The following TMPRSS5 variants were observed in gnomAD, a reference collection of about 807,000 sequenced individuals.
The protein encoded by TMPRSS5 is transmembrane serine protease 5.
TMPRSS5 carries 45 observed loss-of-function variants against 59.7 expected under a neutral mutation model. The ratio of observed to expected loss-of-function variants is 0.75; its 90% CI spans 0.59 to 0.97. The LOEUF is 0.97. Among genes scored for constraint, TMPRSS5 ranks in the 50% least tolerant of loss-of-function variants. The pLI is 0.00. For missense variants in TMPRSS5, 585 were observed against 596.7 expected, an observed-to-expected ratio of 0.98 and a Z score of 0.20; for synonymous variants, 225 against 232.0, an observed-to-expected ratio of 0.97 and a Z score of 0.27.
intron 1 of TMPRSS5, among the ~76,000 whole-genome samples, chr11:113,704,964 T>G (rs1953250574): frequency 6.6e-6 from 1 of 152,016 alleles, no homozygotes; most frequent in Admixed American, 6.5e-5. Context: ...CCAATACAAA[T>G]GTTAAGTATA....
intron 8 of TMPRSS5, among the ~76,000 whole-genome samples, chr11:113,694,109 A>C (rs1414254613): frequency 6.6e-6 from 1 of 152,096 alleles, no homozygotes; most frequent in African/African-American, 2.4e-5. Context: ...CTCTACTAAA[A>C]ATACAAAAAA....
At chr11:113,697,475 G>C (rs1952963783) in intron 4 of TMPRSS5, 57 bp from the exon 5 acceptor site, 1 of 1,583,358 alleles carries the variant, frequency 6.3e-7, no homozygotes, top group Non-Finnish European at 8.6e-7. Context: ...GGGTGGGACA[G>C]GAAGAGCTGG....
At chr11:113,699,211 G>GTCTC (rs1221479693) in intron 3 of TMPRSS5, among the ~76,000 whole-genome samples, 184 bp from the exon 4 acceptor site, 2 of 62,952 alleles carry the variant, frequency 3.2e-5, no homozygotes, top group African/African-American at 1.1e-4. Flanking sequence ...TTGTCTGTCT[G>GTCTC]TCTCTCTCTC....
Position 113,692,681 on chromosome 11 carries a change from C to T in TMPRSS5, c.964+390G>A, listed in dbSNP as rs554896726. Among the ~76,000 whole-genome samples, 39 of 152,254 alleles carry T rather than the reference C, an allele frequency of 2.6e-4. No homozygotes were observed. The South Asian group carries it at 7.9e-3, about 31-fold the overall frequency. On this transcript the variant is annotated intron_variant, in intron 9 of 12. Transcript: ENST00000299882. ...TTTCAACTATCTATCAGGGTTGTTA[C>T]GAGGACTGAAAGAGAAGATATTTGA...
At chr11:113,691,325 T>C (rs113253911) in intron 9 of TMPRSS5, among the ~76,000 whole-genome samples, 3,522 of 152,308 alleles carry the variant, frequency 0.023, 137 homozygotes, top group African/African-American at 0.079. Context: ...TGCATGATTT[T>C]AGGTAGTACA....
intron 4 of TMPRSS5, 152 bp downstream of exon 4, chr11:113,698,753 A>T (rs1341483867): frequency 6.9e-5 from 60 of 875,034 alleles, no homozygotes; most frequent in Non-Finnish European, 9.5e-5. Flanking sequence ...GATCACTGCA[A>T]GGTGACACCT....
rs58784708 is a variant in TMPRSS5, at chr11:113,691,892, C to CTTTTTTTTTTTTTT, written c.965-954_965-953insAAAAAAAAAAAAAA. On this transcript the variant is annotated intron_variant, in intron 9 of 12. Transcript: ENST00000299882. ...AGAAAGTTTTCTTTTCCTTTTTTTT[C>CTTTTTTTTTTTTTT]TTTTTTTTTTTTTGAGACGGAGTCT... is the stretch of plus-strand genomic sequence containing the variant. 3.2e-4 allele frequency among the ~76,000 whole-genome samples: 39 copies of CTTTTTTTTTTTTTT among 121,108 alleles called. 9 individuals carry two copies. Among genetic ancestry groups the CTTTTTTTTTTTTTT allele is most frequent in the African/African-American group, 9.5e-4 (26 of 27,490 alleles). The allele number at this position is 121,108 out of a possible 152,430, so 79.5% of individuals were successfully genotyped here.
At position 113,699,269 on chromosome 11, in the gene TMPRSS5, CT is replaced by C. The variant is rs1323652570; in HGVS notation, c.206-243del. Among the ~76,000 whole-genome samples, 70 of 101,212 alleles carry C rather than the reference CT, an allele frequency of 6.9e-4. 6 individuals carry two copies. The East Asian group carries it at 7.6e-3, about 11-fold the overall frequency. The allele number at this position is 101,212 out of a possible 152,430, so 66.4% of individuals were successfully genotyped here. On this transcript the variant is annotated intron_variant, in intron 3 of 12. Coordinates refer to ENST00000299882, the MANE Select transcript of TMPRSS5 (RefSeq NM_030770.4). ...TCTCTCTCTCTCTCTCTCTCTCTCT[CT>C]CCCTCTCTCTCTCTCTCTCTCTGTC...
chr11:113,693,046 G>A (rs1952826671), intron 9 of TMPRSS5, 25 bp downstream of exon 9: 15 of 1,542,636 alleles, frequency 9.7e-6, no homozygotes, highest in East Asian at 4.9e-5. Flanking sequence ...TCTCCAGCCT[G>A]CCCACCCTCA....
intron 8 of TMPRSS5, chr11:113,693,778 C>A (rs1952850410): frequency 6.6e-6 from 1 of 152,668 alleles, no homozygotes; most frequent in South Asian, 2.1e-4. Flanking sequence ...CTGTTCTAGA[C>A]CCTGGGGACA....
rs571724438 is a variant in TMPRSS5, at chr11:113,703,302, G to A, written c.3+2920C>T. ...CCCTATTGGATTTCAGACTTGCATGGGGACTGTAACCTCTTTATTTTGACC... is the reference window on the plus strand; with the variant it reads ...CCCTATTGGATTTCAGACTTGCATGAGGACTGTAACCTCTTTATTTTGACC... On this transcript the variant is annotated intron_variant, in intron 1 of 12. Transcript: ENST00000299882. 2.2e-4 allele frequency among the ~76,000 whole-genome samples: 33 copies of A among 149,588 alleles called. No homozygotes were observed. In the South Asian group the frequency reaches 5.2e-3, roughly 23 times the overall value.
At chr11:113,697,474 A>T in intron 4 of TMPRSS5, 56 bp from the exon 5 acceptor site, 2 of 1,588,920 alleles carry the variant, frequency 1.3e-6, no homozygotes, top group South Asian at 2.3e-5. Context: ...AGGGTGGGAC[A>T]GGAAGAGCTG....
At chr11:113,702,838 G>C (rs574242676) in intron 1 of TMPRSS5, among the ~76,000 whole-genome samples, 1 of 152,202 alleles carries the variant, frequency 6.6e-6, no homozygotes, top group Non-Finnish European at 1.5e-5. Context: ...TTGAGCCTGC[G>C]GGTGCACAGA....
chr11:113,693,355 G>A (rs888928456), intron 8 of TMPRSS5, 106 bp from the exon 9 acceptor site: 1 of 1,281,334 alleles, frequency 7.8e-7, no homozygotes, highest in Admixed American at 3.0e-5. Context: ...TGGTGGGGGG[G>A]CCGTCAGCAG....
intron 8 of TMPRSS5, among the ~76,000 whole-genome samples, chr11:113,694,019 G>A (rs1272972176): frequency 6.6e-6 from 1 of 152,226 alleles, no homozygotes. Context: ...TGTTATCCCA[G>A]CACTTTGGGA....
At position 113,694,222 on chromosome 11, in the gene TMPRSS5, G is replaced by A. The variant is rs1203624940; in HGVS notation, c.785+256C>T. On this transcript the variant is annotated intron_variant, in intron 8 of 12. Coordinates refer to ENST00000299882, the MANE Select transcript of TMPRSS5 (RefSeq NM_030770.4). ...ATTGCGCCACTGCACTCCAGCCTGG[G>A]CAACAAAGTGAGACTCTGTCTCAAA... 1.2e-5 allele frequency: 4 copies of A among 324,028 alleles called. No individual in the cohort carries two copies. In the East Asian group the frequency reaches 1.5e-4, roughly 12 times the overall value. The allele number at this position is 324,028 out of a possible 1,614,324, so 20.1% of individuals were successfully genotyped here.
At chr11:113,701,599 C>A (rs1291335376) in intron 1 of TMPRSS5, among the ~76,000 whole-genome samples, 2 of 151,776 alleles carry the variant, frequency 1.3e-5, no homozygotes, top group Non-Finnish European at 2.9e-5. Flanking sequence ...ACCCACATGA[C>A]CAACACAGTC....
At chr11:113,698,115 A>G (rs1952981290) in intron 4 of TMPRSS5, among the ~76,000 whole-genome samples, 1 of 152,186 alleles carries the variant, frequency 6.6e-6, no homozygotes, top group South Asian at 2.1e-4. Flanking sequence ...GAAGACAGCC[A>G]TCTACAATCC....
chr11:113,696,750 T>C (rs1591381715), intron 6 of TMPRSS5, 108 bp downstream of exon 6: 5 of 713,868 alleles, frequency 7.0e-6, no homozygotes, highest in Non-Finnish European at 1.2e-5. Flanking sequence ...CCTCCTATCA[T>C]AGGCCACCAG....
Sources: gnomAD v4.1 joint callset for allele counts (sites outside exome capture counted in the v4.1 genomes callset) on GRCh38, gnomAD v4.1.1 for gene constraint, MANE v1.5 for transcripts, NCBI Gene and HGNC (gene_info 2026-07-23, HGNC 2026-07-21) for gene names.